SRSF4: variants seen among roughly 807,000 people sequenced by gnomAD.
SRSF4 encodes the protein serine/arginine-rich splicing factor 4.
SRSF4 carries 12 observed loss-of-function variants against 48.8 expected under a neutral mutation model. The observed-to-expected ratio is 0.25, with a 90% CI of 0.16 to 0.40. The LOEUF (loss-of-function observed/expected upper bound fraction) is 0.40. SRSF4 is among the 10% of genes least tolerant of loss of function. The pLI, the probability that SRSF4 is intolerant of heterozygous loss-of-function variation, is 1.00. For missense variants in SRSF4, 466 were observed against 667.1 expected, an observed-to-expected ratio of 0.70 and a Z score of 3.32; for synonymous variants, 248 against 232.5, an observed-to-expected ratio of 1.07 and a Z score of -0.61.
At chr1:29,154,576 G>T in intron 4 of SRSF4, 120 bp downstream of exon 4, 1 of 947,060 alleles carries the variant, frequency 1.1e-6, no homozygotes. Context: ...AAAATTCTAA[G>T]TTATTGAACC....
At chr1:29,160,581 A>C in intron 1 of SRSF4, 64 bp from the exon 2 acceptor site, 4 of 1,524,900 alleles carry the variant, frequency 2.6e-6, no homozygotes, top group Non-Finnish European at 3.5e-6. Context: ...CTAACATTAA[A>C]GAGAAAGCAA....
chr1:29,174,675 G>GTTTTT (rs35283951), intron 1 of SRSF4, among the ~76,000 whole-genome samples: 1 of 130,702 alleles, frequency 7.7e-6, no homozygotes, highest in East Asian at 2.3e-4. Context: ...CAGGAGATAG[G>GTTTTT]TTTTTTTTTT....
chr1:29,158,373 C>T (rs1270275448), intron 3 of SRSF4, among the ~76,000 whole-genome samples: 1 of 151,932 alleles, frequency 6.6e-6, no homozygotes, highest in African/African-American at 2.4e-5. Context: ...GCAGGAAACA[C>T]TGATGGTTTC....
chr1:29,179,505 G>C (rs1389175155), intron 1 of SRSF4, among the ~76,000 whole-genome samples: 1 of 152,064 alleles, frequency 6.6e-6, no homozygotes, highest in African/African-American at 2.4e-5. Context: ...GACTATAGGC[G>C]AGTGTCACCA....
intron 1 of SRSF4, among the ~76,000 whole-genome samples, chr1:29,175,518 AC>A (rs1288480169): frequency 6.7e-6 from 1 of 149,936 alleles, no homozygotes; most frequent in African/African-American, 2.5e-5. Flanking sequence ...ACACAGTGAA[AC>A]CCCGTCTCTA....
chr1:29,176,200 T>C (rs1423713417), intron 1 of SRSF4, among the ~76,000 whole-genome samples: 2 of 151,756 alleles, frequency 1.3e-5, no homozygotes, highest in African/African-American at 4.8e-5. Flanking sequence ...TGCAGTGAGC[T>C]GAGATTGTAC....
In SRSF4 at chr1:29,154,741, C is replaced by A. The variant is rs762888083; in HGVS notation, c.533G>T (p.Gly178Val). 7.4e-6 allele frequency: 12 copies of A among 1,614,098 alleles called. No individual in the cohort carries two copies. The highest frequency in any genetic ancestry group is 1.0e-5 in the Non-Finnish European group (12 of 1,180,046). ...GGAGTAGGACCGGCGTCGTCTGGAA[C>A]CTGGCTTGTCTTCAACTAATCTGAT... is the stretch of plus-strand genomic sequence containing the variant. The part of the protein sequence containing the change: ...RKIRLVEDKP[G>V]SRRRRSYSRS... Residue 178 changes from glycine (G) to valine (V), a missense_variant, in exon 4 of 6, where the codon GGT becomes GTT. Transcript: ENST00000373795.
Position 29,149,241 on chromosome 1 carries a change from G to A in SRSF4, c.669-15C>T, listed in dbSNP as rs1672364469. ...GGGAGCCCGACCTGAGGAGACATGG[G>A]ATACTGTTTGTGTCACATGTGACTT... On this transcript the variant is annotated splice_polypyrimidine_tract_variant and intron_variant, in intron 5 of 5. Transcript: ENST00000373795. 1 of 1,602,098 alleles carries A rather than the reference G, an allele frequency of 6.2e-7. No homozygotes were observed. The highest frequency in any genetic ancestry group is 8.5e-7 in the Non-Finnish European group (1 of 1,179,274).
Position 29,148,298 on chromosome 1 carries a change from A to G in SRSF4, c.*112T>C. ...ATTTAACAATTATAGACACACCATTAGGGGAGTTAAAAATGTACAGCAGTG... is the reference window on the plus strand; with the variant it reads ...ATTTAACAATTATAGACACACCATTGGGGGAGTTAAAAATGTACAGCAGTG... On this transcript the variant is annotated 3_prime_UTR_variant, in exon 6 of 6. Coordinates refer to ENST00000373795, the MANE Select transcript of SRSF4 (RefSeq NM_005626.5). 1 of 1,358,722 alleles carries G rather than the reference A, an allele frequency of 7.4e-7. No homozygotes were observed. Among genetic ancestry groups the G allele is most frequent in the Non-Finnish European group, 1.0e-6 (1 of 973,642 alleles). The allele number at this position is 1,358,722 out of a possible 1,614,324, so 84.2% of individuals were successfully genotyped here.
chr1:29,167,679 A>C (rs1672686703), intron 1 of SRSF4, among the ~76,000 whole-genome samples: 1 of 152,152 alleles, frequency 6.6e-6, no homozygotes, highest in Non-Finnish European at 1.5e-5. Flanking sequence ...CACTGTGCCC[A>C]GTCATGTTTC....
chr1:29,166,086 C>T (rs769627969), intron 1 of SRSF4: 1 of 152,206 alleles, frequency 6.6e-6, no homozygotes, highest in Admixed American at 6.5e-5. Context: ...GAAAAATTTT[C>T]ATCTGTTGAA....
At chr1:29,154,323 C>T (rs1260182434) in intron 4 of SRSF4, among the ~76,000 whole-genome samples, 1 of 152,238 alleles carries the variant, frequency 6.6e-6, no homozygotes, top group Non-Finnish European at 1.5e-5. Context: ...CTCGGCCTCC[C>T]AAAGTGCTGG....
At chr1:29,166,020 G>GT (rs1221682086) in intron 1 of SRSF4, 5 of 152,186 alleles carry the variant, frequency 3.3e-5, no homozygotes, top group Admixed American at 2.6e-4. Flanking sequence ...CATTTTCCTT[G>GT]TAAGAACCGA....
chr1:29,181,412 C>G (rs1397306672), intron 1 of SRSF4, among the ~76,000 whole-genome samples: 1 of 152,160 alleles, frequency 6.6e-6, no homozygotes, highest in East Asian at 1.9e-4. Flanking sequence ...TCCTTCTCCC[C>G]GTCCCACTCA....
At chr1:29,181,518 T>C in intron 1 of SRSF4, 128 bp downstream of exon 1, 1 of 775,024 alleles carries the variant, frequency 1.3e-6, no homozygotes, top group Non-Finnish European at 1.9e-6. Flanking sequence ...GCGCCGCCAC[T>C]ATGGCGGAGC....
chr1:29,174,040 T>A (rs1672794858), intron 1 of SRSF4, among the ~76,000 whole-genome samples: 1 of 151,044 alleles, frequency 6.6e-6, no homozygotes, highest in Non-Finnish European at 1.5e-5. Context: ...AATACAAAAA[T>A]TAGCGGGGTG....
At chr1:29,179,552 G>GACC (rs1672922941) in intron 1 of SRSF4, among the ~76,000 whole-genome samples, 1 of 152,060 alleles carries the variant, frequency 6.6e-6, no homozygotes, top group African/African-American at 2.4e-5. Flanking sequence ...TCTTAGAGAT[G>GACC]GGGTCAGGCT....
chr1:29,158,738 C>A (rs753222288), intron 3 of SRSF4, among the ~76,000 whole-genome samples: 1 of 152,102 alleles, frequency 6.6e-6, no homozygotes, highest in Non-Finnish European at 1.5e-5. Flanking sequence ...GCCAGGAGTT[C>A]GAGACCAGTC....
chr1:29,148,764 G>C lies in SRSF4; in HGVS notation c.1131C>G (p.Ser377Arg). 6.2e-7 allele frequency: 1 copy of C among 1,613,492 alleles called. No individual in the cohort carries two copies. Among genetic ancestry groups the C allele is most frequent in the Non-Finnish European group, 8.5e-7 (1 of 1,179,828 alleles). Residue 377 changes from serine to arginine, a missense_variant, in exon 6 of 6, where the codon AGC becomes AGG. Coordinates refer to ENST00000373795, the MANE Select transcript of SRSF4 (RefSeq NM_005626.5). ...TGTCTCGCTTGCTGCCTCGCTTTCT[G>C]CTCCTCTCACTCTTGCTGCGGCTGC... ...RSRSRSKSERSRKRGSKRDSK... is the reference protein window; with the variant it reads ...RSRSRSKSERRRKRGSKRDSK...
Sources: allele counts gnomAD v4.1 joint callset (sites outside exome capture counted in the v4.1 genomes callset), GRCh38; gene constraint gnomAD v4.1.1; transcripts MANE v1.5; gene names NCBI Gene and HGNC (gene_info 2026-07-23, HGNC 2026-07-21).